L1CAM: variants seen among roughly 807,000 people sequenced by gnomAD.
L1CAM encodes L1 cell adhesion molecule.
In L1CAM, 8 loss-of-function variants were observed where a neutral mutation model predicts 93.0. The observed-to-expected ratio is 0.09, with a 90% CI of 0.05 to 0.16. The LOEUF (loss-of-function observed/expected upper bound fraction) is 0.16, where lower values mean the gene tolerates loss of function less well. Ranked by LOEUF, L1CAM falls within the 10% of genes least tolerant of loss-of-function variation. The probability of loss-of-function intolerance (pLI) is 1.00; values close to 1 mark genes in which losing one functional copy is unlikely to be tolerated. For missense variants in L1CAM, 777 were observed against 1,073.4 expected (o/e 0.72, Z 3.86); for synonymous variants, 453 against 453.0 (o/e 1.00, Z 0.00).
rs782422647 is a variant in L1CAM, at chrX:153,864,330, T to C, written c.3314A>G (p.Asn1105Ser). ...GGCCCCCGGCGCCTCACCTGTGCCA[T>C]TGGTCTTCACAGCCATTTGGTGCCG... ...MFRHQMAVKT[N>S]GTGRVRLPPA... The change falls in exon 25 of 29, where the codon AAT becomes AGT. Residue 1105 changes from asparagine (N) to serine (S), a missense_variant. Around this residue, in one of 5 missense-constraint regions of L1CAM, gnomAD observed 110 missense variants for 141.7 expected, o/e 0.78. Transcript: ENST00000370060. 1.7e-6 allele frequency: 2 copies of C among 1,209,894 alleles called. No individual in the cohort carries two copies. Among genetic ancestry groups the C allele is most frequent in the Admixed American group, 4.4e-5 (2 of 45,870 alleles).
intron 1 of L1CAM, among the ~76,000 whole-genome samples, chrX:153,876,989 ACT>A (rs1474059411): frequency 3.7e-5 from 4 of 108,789 alleles, no homozygotes; most frequent in African/African-American, 1.0e-4. Context: ...ATGGAGTGAG[ACT>A]CTGTCTAAAA....
At chrX:153,863,582 C>T (rs200585451) in intron 26 of L1CAM, 33 bp from the exon 27 acceptor site, 148 of 1,153,773 alleles carry the variant, frequency 1.3e-4, no homozygotes, top group Admixed American at 2.9e-4. Flanking sequence ...CTTCTTCTCC[C>T]GCCCCAGCCT....
chrX:153,874,735 G>A (rs1323358221), intron 2 of L1CAM, among the ~76,000 whole-genome samples: 2 of 112,345 alleles, frequency 1.8e-5, no homozygotes, highest in Non-Finnish European at 3.8e-5. Flanking sequence ...TCAAGGTGAG[G>A]CTGGGAAGGG....
intron 1 of L1CAM, chrX:153,884,287 T>C (rs1557096489): frequency 1.6e-5 from 16 of 993,678 alleles, no homozygotes; most frequent in Non-Finnish European, 2.0e-5. Context: ...GGGAAGCTCT[T>C]CACTGGCTGC....
At chrX:153,869,178 C>T (rs2148497148) in intron 11 of L1CAM, 1 of 450,875 alleles carries the variant, frequency 2.2e-6, no homozygotes, top group Non-Finnish European at 3.9e-6. Flanking sequence ...TTACGTTATT[C>T]CAGGCCTAAC....
At chrX:153,871,260 T>TGGGGGCGGGGGGGG in intron 5 of L1CAM, 81 bp from the exon 6 acceptor site, 1 of 232,158 alleles carries the variant, frequency 4.3e-6, no homozygotes. Flanking sequence ...GGCAGGGGGG[T>TGGGGGCGGGGGGGG]GGCGGGCTAC....
chrX:153,869,369 TG>T (rs2064745564), intron 11 of L1CAM, 150 bp downstream of exon 11: 1 of 613,001 alleles, frequency 1.6e-6, no homozygotes. Context: ...CTGAGTGAGA[TG>T]GGGCGAAGGG....
intron 8 of L1CAM, 65 bp from the exon 9 acceptor site, chrX:153,870,305 C>G: frequency 3.4e-6 from 4 of 1,182,138 alleles, no homozygotes; most frequent in Non-Finnish European, 4.6e-6. Context: ...CCCCAGCCCC[C>G]TATACCCCGC....
At position 153,868,965 on chromosome X, in the gene L1CAM, C is replaced by T. The variant is rs201735322; in HGVS notation, c.1268-13G>A. On this transcript the variant is annotated splice_polypyrimidine_tract_variant and intron_variant, in intron 11 of 28. Coordinates refer to ENST00000370060, the MANE Select transcript of L1CAM (RefSeq NM_001278116.2). ...TTGGCTGGCAGCTCTAGGGGAGGAA[C>T]AGCCTCAGGAGACAGGGCAGGACTT... The T allele has an allele frequency of 6.8e-6, 8 of 1,175,130 alleles. No individual in the cohort carries two copies. Among genetic ancestry groups the T allele is most frequent in the African/African-American group, 1.7e-5 (1 of 57,199 alleles).
In L1CAM at chrX:153,864,107, T is replaced by C. The variant is rs1204638126; in HGVS notation, c.3323-90A>G. On this transcript the variant is annotated intron_variant, in intron 25 of 28. Transcript: ENST00000370060. ...GTATGCTCTTAAAGTTGGGGCCCTC[T>C]GGGGGGCTAAGGAGTGACAGGGACA... The C allele has an allele frequency of 5.7e-5, 66 of 1,157,846 alleles. 1 individual carries two copies. The highest frequency in any genetic ancestry group is 5.1e-4 in the South Asian group (28 of 54,699).
At chrX:153,870,303 C>T (rs1277170513) in intron 8 of L1CAM, 63 bp from the exon 9 acceptor site, 59 of 1,180,276 alleles carry the variant, frequency 5.0e-5, no homozygotes, top group Non-Finnish European at 6.2e-5. Context: ...CACCCCAGCC[C>T]CCTATACCCC....
rs202057911 is a variant in L1CAM, at chrX:153,870,076, G to A, written c.971C>T (p.Ala324Val). 12 of 1,211,480 alleles carry A rather than the reference G, an allele frequency of 9.9e-6. No homozygotes were observed. Among genetic ancestry groups the A allele is most frequent in the African/African-American group, 3.5e-5 (2 of 57,840 alleles). ...AENSLGSARHAYYVTVEAAPY... is the reference protein window; with the variant it reads ...AENSLGSARHVYYVTVEAAPY... ...CATACCCTCCACGGTGACATAGTAC[G>A]CATGCCGGGCACTGCCCAGTGAGTT... The change falls in exon 9 of 29, where the codon GCG becomes GTG. Residue 324 changes from alanine (A) to valine (V), a missense_variant. Transcript: ENST00000370060.
Position 153,865,158 on chromosome X carries a change from C to T in L1CAM, c.2802G>A (p.Leu934=). 1.7e-6 allele frequency: 2 copies of T among 1,208,945 alleles called. No homozygotes were observed. ...TGAGTGGGGGCTGCCAGCGCAGCAGCAGGCTGGTGTTCGACTGGCACTCCA... is the reference window on the plus strand; with the variant it reads ...TGAGTGGGGGCTGCCAGCGCAGCAGTAGGCTGGTGTTCGACTGGCACTCCA... ...LHLECQSNTS[L]LLRWQPPLSH... The change falls in exon 22 of 29, where the codon CTG becomes CTA. Residue 934 remains leucine (L), a synonymous_variant. Coordinates refer to ENST00000370060, the MANE Select transcript of L1CAM (RefSeq NM_001278116.2).
At chrX:153,880,149 G>A (rs1464357974) in intron 1 of L1CAM, 5 of 115,120 alleles carry the variant, frequency 4.3e-5, no homozygotes, top group Admixed American at 8.9e-5. Flanking sequence ...GCTCCAAAGT[G>A]CCTGCTTTGG....
chrX:153,885,875 GCCC>G, intron 1 of L1CAM, 187 bp downstream of exon 1: 1 of 733,402 alleles, frequency 1.4e-6, no homozygotes, highest in South Asian at 3.0e-5. Flanking sequence ...TCCCTCCCCC[GCCC>G]CGCTTACAGC....
intron 28 of L1CAM, among the ~76,000 whole-genome samples, chrX:153,863,146 C>A (rs1271953433): frequency 8.9e-6 from 1 of 111,790 alleles, no homozygotes; most frequent in Non-Finnish European, 1.9e-5. Flanking sequence ...GGGAAGCTGT[C>A]TGGGGCCTCC....
chrX:153,864,652 G>C lies in L1CAM; in HGVS notation c.3099C>G (p.Val1033=), dbSNP rs782495914. The C allele has an allele frequency of 8.3e-7, 1 of 1,211,177 alleles. No individual in the cohort carries two copies. The highest frequency in any genetic ancestry group is 1.1e-6 in the Non-Finnish European group (1 of 894,911). The change falls in exon 24 of 29, where the codon GTC becomes GTG. Residue 1033 remains valine, a synonymous_variant. Coordinates refer to ENST00000370060, the MANE Select transcript of L1CAM (RefSeq NM_001278116.2). ...ISATAGENYS[V]VSWVPKEGQC... is the part of the protein sequence containing the mutation. ...GGCCCTCCTTGGGGACCCAGGAGACGACACTGTAGTTTTCACCCGCTGTGG... is the reference window on the plus strand; with the variant it reads ...GGCCCTCCTTGGGGACCCAGGAGACCACACTGTAGTTTTCACCCGCTGTGG...
intron 1 of L1CAM, chrX:153,876,247 CT>C: frequency 5.3e-6 from 2 of 377,059 alleles, no homozygotes; most frequent in Non-Finnish European, 9.4e-6. Flanking sequence ...ATCAGCTCCC[CT>C]GTGCATGGCA....
chrX:153,863,126 G>A (rs2064678648), intron 28 of L1CAM, among the ~76,000 whole-genome samples: 1 of 112,236 alleles, frequency 8.9e-6, no homozygotes, highest in African/African-American at 3.2e-5. Flanking sequence ...ATGGGGCCTG[G>A]TTCCTGTCTG....
Sources: gnomAD v4.1 joint callset for allele counts (sites outside exome capture counted in the v4.1 genomes callset) on GRCh38, gnomAD v4.1.1 for gene constraint, gnomAD v4.1.1 regional missense constraint, MANE v1.5 for transcripts, NCBI Gene and HGNC (gene_info 2026-07-23, HGNC 2026-07-21) for gene names.